Variants in LUZP2 observed in about 807,000 individuals in gnomAD.
LUZP2 encodes the protein leucine zipper protein 2.
LUZP2 carries 52 observed loss-of-function variants against 51.6 expected under a neutral mutation model. The observed-to-expected ratio is 1.01, with a 90% CI of 0.81 to 1.27. LUZP2 has a LOEUF of 1.27. Ranked by LOEUF, LUZP2 falls within the 50% of genes most tolerant of loss-of-function variation. The pLI is 0.00. For missense variants in LUZP2, 436 were observed against 395.4 expected, an observed-to-expected ratio of 1.10 and a Z score of -0.87; for synonymous variants, 154 against 137.3, an observed-to-expected ratio of 1.12 and a Z score of -0.85.
At chr11:24,627,123 G>A (rs1854710266) in intron 1 of LUZP2, among the ~76,000 whole-genome samples, 1 of 152,176 alleles carries the variant, frequency 6.6e-6, no homozygotes, top group East Asian at 1.9e-4. Flanking sequence ...AATACAAGAT[G>A]TGAGTACACA....
intron 1 of LUZP2, among the ~76,000 whole-genome samples, chr11:24,701,895 C>T (rs1239151572): frequency 6.6e-6 from 1 of 152,152 alleles, no homozygotes; most frequent in African/African-American, 2.4e-5. Context: ...TAAATGGCAA[C>T]ATGGAGTCAC....
At chr11:24,567,978 T>G (rs1011643299) in intron 1 of LUZP2, among the ~76,000 whole-genome samples, 3 of 152,020 alleles carry the variant, frequency 2.0e-5, no homozygotes, top group African/African-American at 7.2e-5. Context: ...TTAATAAAAT[T>G]GCATAAAATA....
chr11:24,962,630 A>C (rs997376919), intron 7 of LUZP2, among the ~76,000 whole-genome samples: 2 of 152,130 alleles, frequency 1.3e-5, no homozygotes, highest in African/African-American at 4.8e-5. Context: ...TCCTTTAGGC[A>C]CTTCTCTGTA....
intron 5 of LUZP2, among the ~76,000 whole-genome samples, chr11:24,817,959 G>T (rs7925107): frequency 3.9e-5 from 6 of 151,978 alleles, no homozygotes; most frequent in African/African-American, 1.4e-4. Flanking sequence ...ATTGCTACGG[G>T]AAGGTTACAT....
chr11:24,783,753 G>A (rs1219917824), intron 5 of LUZP2, among the ~76,000 whole-genome samples: 1 of 151,866 alleles, frequency 6.6e-6, no homozygotes, highest in African/African-American at 2.4e-5. Context: ...TTATCACACT[G>A]CAATGCATTT....
intron 9 of LUZP2, among the ~76,000 whole-genome samples, chr11:25,005,260 G>A (rs1856802535): frequency 6.6e-6 from 1 of 152,088 alleles, no homozygotes; most frequent in Non-Finnish European, 1.5e-5. Flanking sequence ...GGGAGGCTAG[G>A]ATATGGGGGT....
In LUZP2 at chr11:25,050,172, G is replaced by GA. The variant is rs1418985120; in HGVS notation, c.858+48dup. The stretch of plus-strand genomic sequence containing the variant: ...ATGCTTTTTACAGTATTAGACAGGA[G>GA]AAAAAAGCACAAGCATTTTAGCAAT... On this transcript the variant is annotated intron_variant, in intron 10 of 11. Coordinates refer to ENST00000336930, the MANE Select transcript of LUZP2 (RefSeq NM_001009909.4). 2.5e-6 allele frequency: 3 copies of GA among 1,191,738 alleles called. No homozygotes were observed. The African/African-American group carries it at 4.7e-5, about 19-fold the overall frequency. 73.8% of individuals were successfully genotyped at this position (1,191,738 alleles called of 1,614,324 possible). A position where few individuals can be genotyped will look rare whatever the true frequency, so the allele number is the denominator to read the frequency against.
chr11:24,934,846 A>G (rs1011429309), intron 7 of LUZP2, among the ~76,000 whole-genome samples: 29 of 152,316 alleles, frequency 1.9e-4, no homozygotes, highest in Admixed American at 1.6e-3. Context: ...CAGAGTTGGT[A>G]CTCAAGATAC....
intron 11 of LUZP2, 35 bp downstream of exon 11, chr11:25,077,441 G>C: frequency 9.1e-7 from 1 of 1,094,228 alleles, no homozygotes. Flanking sequence ...GTGTCAAAAA[G>C]CATTTATTGG....
intron 9 of LUZP2, among the ~76,000 whole-genome samples, chr11:25,002,893 A>G (rs902734759): frequency 1.3e-5 from 2 of 152,154 alleles, no homozygotes; most frequent in African/African-American, 2.4e-5. Flanking sequence ...TGATTAGAGT[A>G]TACAGGAGCC....
At chr11:25,025,735 C>A (rs11028360) in intron 9 of LUZP2, among the ~76,000 whole-genome samples, 1 of 151,926 alleles carries the variant, frequency 6.6e-6, no homozygotes, top group Non-Finnish European at 1.5e-5. Flanking sequence ...GACAGTGTGG[C>A]AATTCCTCAG....
chr11:24,675,802 T>TATTC (rs1247371749), intron 1 of LUZP2, among the ~76,000 whole-genome samples: 1 of 57,046 alleles, frequency 1.8e-5, no homozygotes, highest in Non-Finnish European at 5.0e-5. Flanking sequence ...TTTATTTATT[T>TATTC]ATTTATTTAT....
intron 7 of LUZP2, among the ~76,000 whole-genome samples, chr11:24,958,160 C>T (rs1452904722): frequency 1.3e-5 from 2 of 152,152 alleles, no homozygotes; most frequent in Non-Finnish European, 2.9e-5. Flanking sequence ...CATTGTTGGA[C>T]ATTTGGGTTG....
At chr11:24,867,159 C>A (rs955716438) in intron 5 of LUZP2, among the ~76,000 whole-genome samples, 1 of 152,024 alleles carries the variant, frequency 6.6e-6, no homozygotes. Flanking sequence ...GCACTTCCAC[C>A]AGAGGAAAGA....
chr11:24,635,967 T>C (rs1275863391), intron 1 of LUZP2, among the ~76,000 whole-genome samples: 1 of 152,124 alleles, frequency 6.6e-6, no homozygotes, highest in African/African-American at 2.4e-5. Flanking sequence ...TATCCTTACA[T>C]ATTGTCAGTG....
At chr11:24,551,333 T>C (rs949279012) in intron 1 of LUZP2, among the ~76,000 whole-genome samples, 2 of 152,026 alleles carry the variant, frequency 1.3e-5, no homozygotes. Flanking sequence ...AAGAAGCCAG[T>C]AATAGAAGAC....
At chr11:24,879,599 A>T (rs544160229) in intron 5 of LUZP2, among the ~76,000 whole-genome samples, 1 of 152,138 alleles carries the variant, frequency 6.6e-6, no homozygotes, top group African/African-American at 2.4e-5. Flanking sequence ...TGACTTTTTA[A>T]TAATTGCCAT....
At chr11:24,708,615 A>T (rs536344499) in intron 1 of LUZP2, among the ~76,000 whole-genome samples, 1 of 152,246 alleles carries the variant, frequency 6.6e-6, no homozygotes, top group South Asian at 2.1e-4. Context: ...GTAGGCCTAT[A>T]AGAATCACCT....
In LUZP2 at chr11:25,015,897, C is replaced by CTT. The variant is rs553027081; in HGVS notation, c.765+32616_765+32617dup. Among the ~76,000 whole-genome samples, 432 of 134,090 alleles carry CTT rather than the reference C, an allele frequency of 3.2e-3. 6 individuals are homozygous for CTT. The highest frequency in any genetic ancestry group is 7.4e-3 in the African/African-American group (272 of 36,612). 88.0% of individuals were successfully genotyped at this position (134,090 alleles called of 152,430 possible). A position where few individuals can be genotyped will look rare whatever the true frequency, so the allele number is the denominator to read the frequency against. On this transcript the variant is annotated intron_variant, in intron 9 of 11. Coordinates refer to ENST00000336930, the MANE Select transcript of LUZP2 (RefSeq NM_001009909.4). ...TTGTATAGTAGTGAAGTGTGAATTT[C>CTT]TTTTTTTTTTTTTGTATTTTTTACT...
Sources: allele counts gnomAD v4.1 joint callset (sites outside exome capture counted in the v4.1 genomes callset), GRCh38; gene constraint gnomAD v4.1.1; transcripts MANE v1.5; gene names NCBI Gene and HGNC (gene_info 2026-07-23, HGNC 2026-07-21).